Variants in ZNF521 observed in about 807,000 individuals in gnomAD.
The protein encoded by ZNF521 is LYST-interacting protein 3.
ZNF521 carries 14 observed loss-of-function variants against 105.5 expected under a neutral mutation model. That is an observed-to-expected ratio of 0.13 (90% CI 0.09 to 0.21). ZNF521 has a LOEUF of 0.21. ZNF521 is among the 10% of genes least tolerant of loss of function. The pLI is 1.00. For missense variants in ZNF521, 1,233 were observed against 1,629.7 expected, an observed-to-expected ratio of 0.76 and a Z score of 4.19; for synonymous variants, 635 against 606.0, an observed-to-expected ratio of 1.05 and a Z score of -0.70.
chr18:25,290,341 A>G (rs569177749), intron 3 of ZNF521, among the ~76,000 whole-genome samples: 7 of 152,302 alleles, frequency 4.6e-5, no homozygotes, highest in Non-Finnish European at 1.0e-4. Context: ...TTAATATCAG[A>G]CTATCTAGGT....
At chr18:25,202,853 T>C (rs2036015490) in intron 4 of ZNF521, 2 of 152,128 alleles carry the variant, frequency 1.3e-5, no homozygotes, top group Non-Finnish European at 2.9e-5. Context: ...AAGAAAAAAA[T>C]GGTTATTGAA....
chr18:25,076,277 CTG>C (rs1278550865), intron 7 of ZNF521, among the ~76,000 whole-genome samples: 1 of 152,154 alleles, frequency 6.6e-6, no homozygotes, highest in Non-Finnish European at 1.5e-5. Flanking sequence ...AAGAAAAAGA[CTG>C]TTTATCCCAG....
intron 2 of ZNF521, among the ~76,000 whole-genome samples, chr18:25,350,653 T>C (rs1568094462): frequency 6.7e-6 from 1 of 150,050 alleles, no homozygotes; most frequent in Admixed American, 6.6e-5. Context: ...TTTTTTTCGG[T>C]TGTTGTTGTC....
rs1175859497 is a variant in ZNF521, at chr18:25,179,116, C to CTTTT, written c.3658+16040_3658+16043dup. On this transcript the variant is annotated intron_variant, in intron 5 of 7. Coordinates refer to ENST00000361524, the MANE Select transcript of ZNF521 (RefSeq NM_015461.3). ...GACTTATACTTCTTTTTCTTTATTC[C>CTTTT]TTTTTTTTTTTTTTTTTTTTTTTTT... is the stretch of plus-strand genomic sequence containing the variant. Among the ~76,000 whole-genome samples, 114 of 52,482 alleles carry CTTTT rather than the reference C, an allele frequency of 2.2e-3. 19 individuals carry two copies. The highest frequency in any genetic ancestry group is 3.0e-3 in the Non-Finnish European group (86 of 28,970). 34.4% of individuals were successfully genotyped at this position (52,482 alleles called of 152,430 possible). A position where few individuals can be genotyped will look rare whatever the true frequency, so the allele number is the denominator to read the frequency against.
Position 25,246,654 on chromosome 18 carries a change from G to A in ZNF521, c.221-18957C>T, listed in dbSNP as rs1161582332. ...CTCTTAAAGTAACATTTTGCTTTCT[G>A]GTGAATTTTCCAGTCTTATCTGTGG... is the stretch of plus-strand genomic sequence containing the variant. On this transcript the variant is annotated intron_variant, in intron 3 of 7. Coordinates refer to ENST00000361524, the MANE Select transcript of ZNF521 (RefSeq NM_015461.3). Among the ~76,000 whole-genome samples the A allele has an allele frequency of 2.0e-5, 3 of 152,084 alleles. No individual in the cohort carries two copies. In the East Asian group the frequency reaches 5.8e-4, roughly 29 times the overall value.
chr18:25,213,439 C>G (rs1600162511), intron 4 of ZNF521, among the ~76,000 whole-genome samples: 1 of 151,604 alleles, frequency 6.6e-6, no homozygotes, highest in East Asian at 1.9e-4. Flanking sequence ...TTAATGTGGT[C>G]AATTAAATTA....
chr18:25,088,286 G>A (rs1016099917), intron 7 of ZNF521, among the ~76,000 whole-genome samples: 2 of 151,592 alleles, frequency 1.3e-5, no homozygotes, highest in Non-Finnish European at 2.9e-5. Context: ...TGTGATCTCG[G>A]CTCACCGCAA....
At chr18:25,272,459 A>G (rs1436493059) in intron 3 of ZNF521, among the ~76,000 whole-genome samples, 1 of 152,212 alleles carries the variant, frequency 6.6e-6, no homozygotes, top group Non-Finnish European at 1.5e-5. Flanking sequence ...AGACACATGT[A>G]CACATATGTT....
chr18:25,267,301 C>T (rs1034162792), intron 3 of ZNF521, among the ~76,000 whole-genome samples: 3 of 152,186 alleles, frequency 2.0e-5, no homozygotes, highest in African/African-American at 7.2e-5. Context: ...ATAAAACCCC[C>T]ATCTCCCTGG....
chr18:25,127,993 T>C (rs747905461), intron 5 of ZNF521, among the ~76,000 whole-genome samples: 7 of 151,894 alleles, frequency 4.6e-5, no homozygotes, highest in Non-Finnish European at 8.8e-5. Context: ...CTTTACCTAA[T>C]ACAGAAACCA....
At chr18:25,314,315 T>C (rs1362801939) in intron 3 of ZNF521, among the ~76,000 whole-genome samples, 3 of 152,308 alleles carry the variant, frequency 2.0e-5, no homozygotes, top group East Asian at 3.9e-4. Context: ...CACTTTATTG[T>C]TCATTGGAAT....
intron 3 of ZNF521, among the ~76,000 whole-genome samples, chr18:25,253,445 A>G (rs908617047): frequency 7.9e-5 from 12 of 152,178 alleles, no homozygotes; most frequent in Non-Finnish European, 1.0e-4. Context: ...AATTAGACTC[A>G]TTATATTTTT....
At position 25,116,085 on chromosome 18, in the gene ZNF521, C is replaced by A. The variant is rs372112516; in HGVS notation, c.3659-24004G>T. On this transcript the variant is annotated intron_variant, in intron 5 of 7. Transcript: ENST00000361524. The stretch of plus-strand genomic sequence containing the variant: ...AGGGTGGCTCAAGAACAATGGGTGA[C>A]TGAAGCGATCTGTTGTGATGGTATT... Among the ~76,000 whole-genome samples, 84 of 152,232 alleles carry A rather than the reference C, an allele frequency of 5.5e-4. 1 individual carries two copies. The highest frequency in any genetic ancestry group is 3.4e-3 in the Middle Eastern group (1 of 294).
intron 2 of ZNF521, among the ~76,000 whole-genome samples, chr18:25,346,945 A>AAGATATATATAT (rs1914488291): frequency 1.3e-5 from 2 of 152,000 alleles, no homozygotes; most frequent in Admixed American, 6.6e-5. Flanking sequence ...AATATATCAC[A>AAGATATATATAT]CCTTTATATA....
At chr18:25,190,245 TAA>T (rs1202923689) in intron 5 of ZNF521, among the ~76,000 whole-genome samples, 1 of 151,812 alleles carries the variant, frequency 6.6e-6, no homozygotes, top group African/African-American at 2.4e-5. Context: ...AGCAATCAAA[TAA>T]GGATTTTTTT....
chr18:25,287,431 A>G (rs1040392556), intron 3 of ZNF521, among the ~76,000 whole-genome samples: 4 of 152,140 alleles, frequency 2.6e-5, no homozygotes, highest in South Asian at 4.1e-4. Context: ...ACTTTACTGC[A>G]CTTATAAAAA....
intron 3 of ZNF521, among the ~76,000 whole-genome samples, chr18:25,273,014 T>C (rs919178462): frequency 2.6e-5 from 4 of 151,182 alleles, no homozygotes; most frequent in Non-Finnish European, 5.9e-5. Context: ...ATCACTTGAG[T>C]CCAGGAGTTC....
At chr18:25,210,141 G>C (rs8182379) in intron 4 of ZNF521, among the ~76,000 whole-genome samples, 27,887 of 152,066 alleles carry the variant, frequency 0.18, 2,631 homozygotes, top group East Asian at 0.31. Flanking sequence ...TATCACATAT[G>C]ACATTGGTAG....
chr18:25,344,464 C>T (rs1233274311), intron 2 of ZNF521, among the ~76,000 whole-genome samples: 1 of 152,106 alleles, frequency 6.6e-6, no homozygotes, highest in Non-Finnish European at 1.5e-5. Context: ...AAGGTATATG[C>T]AATCCTAGCA....
Sources: allele counts gnomAD v4.1 joint callset (sites outside exome capture counted in the v4.1 genomes callset), GRCh38; gene constraint gnomAD v4.1.1; transcripts MANE v1.5; gene names NCBI Gene and HGNC (gene_info 2026-07-23, HGNC 2026-07-21).